Variants in ROBO1 observed in about 807,000 individuals in gnomAD.
ROBO1 encodes roundabout homolog 1.
Under a neutral mutation model 195.9 loss-of-function variants are expected in ROBO1, and 149 were observed. That is an observed-to-expected ratio of 0.76 (90% CI 0.67 to 0.87). ROBO1 has a LOEUF of 0.87. Among genes scored for constraint, ROBO1 ranks in the 40% least tolerant of loss-of-function variants. The pLI is 0.00. For missense variants in ROBO1, 1,933 were observed against 2,068.3 expected (o/e 0.93, Z 1.27); for synonymous variants, 816 against 733.2 (o/e 1.11, Z -1.82).
intron 2 of ROBO1, among the ~76,000 whole-genome samples, chr3:79,506,116 G>A (rs1400629764): frequency 6.6e-6 from 1 of 151,778 alleles, no homozygotes; most frequent in East Asian, 1.9e-4. Flanking sequence ...AGAGATCACA[G>A]GTTTATTTAT....
At chr3:79,387,461 T>A (rs897973771) in intron 2 of ROBO1, among the ~76,000 whole-genome samples, 3 of 150,224 alleles carry the variant, frequency 2.0e-5, no homozygotes, top group Admixed American at 6.7e-5. Flanking sequence ...ATATAATATA[T>A]AAAATATATA....
chr3:79,209,241 T>C (rs1275886631), intron 2 of ROBO1, among the ~76,000 whole-genome samples: 2 of 152,138 alleles, frequency 1.3e-5, no homozygotes, highest in Non-Finnish European at 2.9e-5. Flanking sequence ...GAACATGTGA[T>C]ATTTGGTTTT....
At chr3:78,983,005 T>A (rs538334400) in intron 3 of ROBO1, among the ~76,000 whole-genome samples, 1 of 152,152 alleles carries the variant, frequency 6.6e-6, no homozygotes, top group Admixed American at 6.5e-5. Context: ...CCACCTGGGC[T>A]CCAGGGATCC....
intron 3 of ROBO1, among the ~76,000 whole-genome samples, chr3:79,014,438 A>T (rs991843726): frequency 6.6e-5 from 10 of 152,198 alleles, no homozygotes; most frequent in Non-Finnish European, 1.2e-4. Context: ...ACACCACCAC[A>T]CTCCAGCCTG....
chr3:79,231,572 GC>G (rs1171284355), intron 2 of ROBO1, among the ~76,000 whole-genome samples: 8 of 151,988 alleles, frequency 5.3e-5, no homozygotes, highest in South Asian at 4.1e-4. Context: ...ACAGATGCTG[GC>G]AAGGTTGTAG....
At chr3:78,845,342 C>T (rs1447024474) in intron 4 of ROBO1, among the ~76,000 whole-genome samples, 2 of 151,652 alleles carry the variant, frequency 1.3e-5, no homozygotes, top group African/African-American at 2.4e-5. Context: ...AAAGTGCTCA[C>T]ATTATACTGG....
intron 8 of ROBO1, among the ~76,000 whole-genome samples, chr3:78,704,661 C>CAAAA (rs1160098731): frequency 0.016 from 989 of 61,652 alleles, 9 homozygotes; most frequent in African/African-American, 0.049. Context: ...CTCATCTCTC[C>CAAAA]AAAAAAAAAA....
At chr3:79,368,330 C>G (rs2036051159) in intron 2 of ROBO1, among the ~76,000 whole-genome samples, 1 of 152,124 alleles carries the variant, frequency 6.6e-6, no homozygotes. Flanking sequence ...GTTTAGATCA[C>G]AAGAGAGACT....
chr3:78,717,449 T>A (rs747205967), intron 6 of ROBO1, 36 bp from the exon 7 acceptor site: 7 of 1,593,386 alleles, frequency 4.4e-6, no homozygotes, highest in Non-Finnish European at 3.4e-6. Flanking sequence ...GGTAAAATTT[T>A]AAAATGAACC....
chr3:78,992,376 T>C (rs1288452404), intron 3 of ROBO1, among the ~76,000 whole-genome samples: 1 of 152,074 alleles, frequency 6.6e-6, no homozygotes, highest in African/African-American at 2.4e-5. Flanking sequence ...AGGGCTTACA[T>C]TGTTAAGCTG....
chr3:79,570,794 C>T (rs1339959836), intron 2 of ROBO1, among the ~76,000 whole-genome samples: 3 of 152,090 alleles, frequency 2.0e-5, no homozygotes, highest in Non-Finnish European at 4.4e-5. Flanking sequence ...TTAACTCACA[C>T]TACCCTGTGA....
At chr3:78,893,519 AT>A (rs1180214794) in intron 4 of ROBO1, among the ~76,000 whole-genome samples, 2 of 152,330 alleles carry the variant, frequency 1.3e-5, no homozygotes, top group Non-Finnish European at 2.9e-5. Flanking sequence ...AGTCTTAGAT[AT>A]TTTATTGTAG....
rs1454798939 is a variant in ROBO1, at chr3:78,598,768, A to AATG, written c.*142_*144dup. 1.2e-5 allele frequency: 6 copies of AATG among 509,700 alleles called. No homozygotes were observed. Among genetic ancestry groups the AATG allele is most frequent in the South Asian group, 4.3e-5 (1 of 23,204 alleles). The allele number at this position is 509,700 out of a possible 1,614,324, so 31.6% of individuals were successfully genotyped here. On this transcript the variant is annotated 3_prime_UTR_variant, in exon 31 of 31. Coordinates refer to ENST00000464233, the MANE Select transcript of ROBO1 (RefSeq NM_002941.4). ...AATAAAAACCCAATAAAGTTTTTAAAATGATATCCCAATAAGAGGAATAAA... is the reference window on the plus strand; with the variant it reads ...AATAAAAACCCAATAAAGTTTTTAAAATGATGATATCCCAATAAGAGGAATAAA...
intron 2 of ROBO1, among the ~76,000 whole-genome samples, chr3:79,343,497 G>A (rs1241667714): frequency 2.0e-5 from 3 of 151,992 alleles, no homozygotes; most frequent in African/African-American, 4.8e-5. Flanking sequence ...AGCAATCATG[G>A]CAAAAAAAGA....
At chr3:78,820,145 G>A (rs1364900692) in intron 4 of ROBO1, among the ~76,000 whole-genome samples, 1 of 152,128 alleles carries the variant, frequency 6.6e-6, no homozygotes, top group African/African-American at 2.4e-5. Flanking sequence ...CTATAAACGT[G>A]TTATCTGTTT....
At chr3:78,690,540 G>A (rs1446977271) in intron 8 of ROBO1, among the ~76,000 whole-genome samples, 2 of 151,964 alleles carry the variant, frequency 1.3e-5, no homozygotes, top group East Asian at 1.9e-4. Flanking sequence ...AATAATAGGC[G>A]AGGGCATCAC....
At chr3:78,937,343 T>G (rs551868926) in intron 4 of ROBO1, among the ~76,000 whole-genome samples, 1 of 152,014 alleles carries the variant, frequency 6.6e-6, no homozygotes, top group East Asian at 1.9e-4. Context: ...CTATGAAAAC[T>G]AATTATATAA....
chr3:79,429,662 G>T (rs561217983), intron 2 of ROBO1, among the ~76,000 whole-genome samples: 4 of 152,218 alleles, frequency 2.6e-5, no homozygotes, highest in Admixed American at 6.6e-5. Context: ...AAGCTATTCA[G>T]GTTTGAAGCC....
intron 5 of ROBO1, among the ~76,000 whole-genome samples, chr3:78,733,135 T>A (rs2082319447): frequency 6.6e-6 from 1 of 152,172 alleles, no homozygotes; most frequent in South Asian, 2.1e-4. Flanking sequence ...AGCCTCACCA[T>A]AAAACTTAGA....
Sources: gnomAD v4.1 joint callset for allele counts (sites outside exome capture counted in the v4.1 genomes callset) on GRCh38, gnomAD v4.1.1 for gene constraint, MANE v1.5 for transcripts, NCBI Gene and HGNC (gene_info 2026-07-23, HGNC 2026-07-21) for gene names.